TLR5: variants seen among roughly 807,000 people sequenced by gnomAD.
TLR5 encodes the protein toll like receptor 5, also known as toll-like receptor 5.
For missense variants in TLR5, 944 were observed against 999.8 expected (o/e 0.94, Z 0.75); for synonymous variants, 373 against 384.4 (o/e 0.97, Z 0.35).
intron 5 of TLR5, among the ~76,000 whole-genome samples, chr1:223,115,884 G>A (rs187855835): frequency 6.6e-6 from 1 of 152,158 alleles, no homozygotes; most frequent in Non-Finnish European, 1.5e-5. Context: ...CAAGGTCCTA[G>A]GGTGGAAGTA....
At position 223,112,475 on chromosome 1, in the gene TLR5, C is replaced by T. The variant is rs1325984416; in HGVS notation, c.557G>A (p.Cys186Tyr). The T allele has an allele frequency of 5.6e-6, 9 of 1,614,108 alleles. No individual in the cohort carries two copies. In the African/African-American group the frequency reaches 8.0e-5, roughly 14 times the overall value. ...DFSSNQIFLVCEHELEPLQGK... is the reference protein window; with the variant it reads ...DFSSNQIFLVYEHELEPLQGK... ...TTGTAGGGGCTCGAGCTCATGTTCA[C>T]ATACAAGGAATATTTGGTTGGAGGA... The change falls in exon 6 of 6, where the codon TGT (cysteine) becomes TAT (tyrosine). Residue 186 changes from cysteine (C) to tyrosine (Y), a missense_variant. Physicochemically the swap from Cys to Tyr is radical, Grantham distance 194. Transcript: ENST00000642603.
rs772519610 is a variant in TLR5 at position 223,110,855 on chromosome 1, T to C, written c.2177A>G (p.Asn726Ser). The C allele has an allele frequency of 4.3e-6, 7 of 1,614,134 alleles. No homozygotes were observed. The highest frequency in any genetic ancestry group is 5.9e-6 in the Non-Finnish European group (7 of 1,180,056). The change falls in exon 6 of 6, where the codon AAC becomes AGC. Residue 726 changes from asparagine to serine, a missense_variant. Coordinates refer to ENST00000642603, the MANE Select transcript of TLR5 (RefSeq NM_003268.6). ...AAAGTCTCTTTCTTCAAAGCACAGG[T>C]TGAATCTGTTTTGGTCACTGTATTG... ...DTQYSDQNRFNLCFEERDFVP... is the reference protein window; with the variant it reads ...DTQYSDQNRFSLCFEERDFVP...
chr1:223,112,377 A>C lies in TLR5; in HGVS notation c.655T>G (p.Cys219Gly), dbSNP rs773203974. 3.7e-6 allele frequency: 6 copies of C among 1,614,096 alleles called. No homozygotes were observed. In the East Asian group the frequency reaches 1.1e-4, roughly 30 times the overall value. Reference protein sequence around the residue: ...YSRVSVDWGKCMNPFRNMVLE... With the variant: ...YSRVSVDWGKGMNPFRNMVLE... ...ACCATGTTTCTGAATGGGTTCATAC[A>C]TTTTCCCCAGTCCACTGAGACTCTG... Residue 219 changes from cysteine (C) to glycine (G), a missense_variant, in exon 6 of 6, where the codon TGT (cysteine) becomes GGT (glycine). Coordinates refer to ENST00000642603, the MANE Select transcript of TLR5 (RefSeq NM_003268.6).
chr1:223,119,977 A>T (rs866406555), intron 5 of TLR5, among the ~76,000 whole-genome samples: 1 of 74,626 alleles, frequency 1.3e-5, no homozygotes, highest in South Asian at 4.0e-4. Flanking sequence ...ATAAAATAAA[A>T]TAAATAAAAT....
rs114997223 is a variant in TLR5 at position 223,124,469 on chromosome 1, A to C, written c.-5+8006T>G. On this transcript the variant is annotated intron_variant, in intron 5 of 5. Coordinates refer to ENST00000642603, the MANE Select transcript of TLR5 (RefSeq NM_003268.6). ...AAACAAAAAAAAAAAAGAAAAAGAA[A>C]AAAAAAGGATTGGAGCCCCCTTAAG... Among the ~76,000 whole-genome samples, 1,083 of 152,134 alleles carry C rather than the reference A, an allele frequency of 7.1e-3. 12 individuals carry two copies. The highest frequency in any genetic ancestry group is 0.025 in the African/African-American group (1,038 of 41,502).
chr1:223,130,536 A>C (rs1278190023), intron 5 of TLR5, among the ~76,000 whole-genome samples: 1 of 152,280 alleles, frequency 6.6e-6, no homozygotes, highest in South Asian at 2.1e-4. Flanking sequence ...GGCCGGTCTG[A>C]GAAGGACTTG....
chr1:223,114,025 G>A lies in TLR5; in HGVS notation c.-4-990C>T, dbSNP rs528863220. On this transcript the variant is annotated intron_variant, in intron 5 of 5. Coordinates refer to ENST00000642603, the MANE Select transcript of TLR5 (RefSeq NM_003268.6). ...CACACACAGTCCATCCCATCATGCA[G>A]AAATTGGGCACTTTCTGGCACCCCA... Among the ~76,000 whole-genome samples the A allele has an allele frequency of 2.0e-5, 3 of 152,300 alleles. No individual in the cohort carries two copies. In the South Asian group the frequency reaches 6.2e-4, roughly 32 times the overall value.
At chr1:223,142,628 C>A (rs1226591423) in intron 1 of TLR5, among the ~76,000 whole-genome samples, 1 of 152,042 alleles carries the variant, frequency 6.6e-6, no homozygotes, top group African/African-American at 2.4e-5. Flanking sequence ...GCTTTTTTTT[C>A]CCCCTCTCAA....
chr1:223,125,775 C>T (rs970495479), intron 5 of TLR5, among the ~76,000 whole-genome samples: 3 of 152,134 alleles, frequency 2.0e-5, no homozygotes, highest in Non-Finnish European at 4.4e-5. Context: ...CCGGAATCAC[C>T]AGGAGACTTT....
chr1:223,129,856 AGAGAATCAGCACAC>A (rs1406916504), intron 5 of TLR5, among the ~76,000 whole-genome samples: 1 of 152,242 alleles, frequency 6.6e-6, no homozygotes, highest in African/African-American at 2.4e-5. Flanking sequence ...AAGAGGACTC[AGAGAATCAGCACAC>A]GAGGTTTCTG....
At chr1:223,119,401 C>T (rs1358402919) in intron 5 of TLR5, among the ~76,000 whole-genome samples, 3 of 152,084 alleles carry the variant, frequency 2.0e-5, no homozygotes, top group Non-Finnish European at 4.4e-5. Context: ...GAAAGACTAC[C>T]TTGTTTAGTT....
rs748373218 is a variant in TLR5 at position 223,112,363 on chromosome 1, G to A, written c.669C>T (p.Phe223=). Reference sequence around the variant, plus strand: ...CTAGTATCTCCAGCACCATGTTTCTGAATGGGTTCATACATTTTCCCCAGT... The same window carrying A: ...CTAGTATCTCCAGCACCATGTTTCTAAATGGGTTCATACATTTTCCCCAGT... ...SVDWGKCMNP[F]RNMVLEILDV... Residue 223 remains phenylalanine, a synonymous_variant, in exon 6 of 6, where the codon TTC becomes TTT. Coordinates refer to ENST00000642603, the MANE Select transcript of TLR5 (RefSeq NM_003268.6). The A allele has an allele frequency of 9.3e-6, 15 of 1,614,112 alleles. No homozygotes were observed. Among genetic ancestry groups the A allele is most frequent in the African/African-American group, 8.0e-5 (6 of 74,950 alleles).
intron 5 of TLR5, 83 bp downstream of exon 5, chr1:223,132,392 T>TGGA: frequency 1.3e-5 from 2 of 152,218 alleles, no homozygotes; most frequent in Admixed American, 1.3e-4. Context: ...TATATATATG[T>TGGA]ACAAATATGC....
chr1:223,113,024 T>C lies in TLR5; in HGVS notation c.8A>G (p.Asp3Gly), dbSNP rs777957497. 34 of 1,614,028 alleles carry C rather than the reference T, an allele frequency of 2.1e-5. No homozygotes were observed. The Admixed American group carries it at 5.2e-4, about 25-fold the overall frequency. The change falls in exon 6 of 6, where the codon GAC (aspartate) becomes GGC (glycine). Residue 3 changes from aspartate to glycine, a missense_variant. Asp to Gly is a moderately conservative substitution (Grantham distance 94, BLOSUM62 -1). Transcript: ENST00000642603. MG[D>G]HLDLLLGVVL... ...CACTCCTAGGAGAAGGTCCAGGTGG[T>C]CTCCCATGATCCTATGGAGAAGAAG...
Position 223,112,776 on chromosome 1 carries a change from T to C in TLR5, c.256A>G (p.Ile86Val), listed in dbSNP as rs775858795. 5.0e-6 allele frequency: 8 copies of C among 1,613,678 alleles called. No individual in the cohort carries two copies. The highest frequency in any genetic ancestry group is 1.7e-5 in the Admixed American group (1 of 59,966). ...ELGSQYTPLT[I>V]DKEAFRNLPN... ...AGGTTTCTGAAGGCCTCCTTGTCAA[T>C]AGTCAAGGGGGTATACTGGCTCCCG... The change falls in exon 6 of 6, where the codon ATT becomes GTT. Residue 86 changes from isoleucine (I) to valine (V), a missense_variant. Transcript: ENST00000642603.
chr1:223,133,527 A>G (rs1657475150), intron 4 of TLR5, among the ~76,000 whole-genome samples: 1 of 152,120 alleles, frequency 6.6e-6, no homozygotes, highest in South Asian at 2.1e-4. Context: ...GTGAGAACCT[A>G]AGAGTCTGTA....
chr1:223,112,813 C>T lies in TLR5; in HGVS notation c.219G>A (p.Gln73=), dbSNP rs148506161. 3.7e-5 allele frequency: 60 copies of T among 1,612,322 alleles called. No homozygotes were observed. In the African/African-American group the frequency reaches 7.9e-4, roughly 21 times the overall value. ...ASSFPFLEQL[Q]LLELGSQYTP... is the part of the protein sequence containing the mutation. The stretch of plus-strand genomic sequence containing the variant: ...TATACTGGCTCCCGAGCTCCAGCAG[C>T]TGCAGCTGTTCCAGAAAGGGGAAGG... Residue 73 remains glutamine (Q), a synonymous_variant, in exon 6 of 6, where the codon CAG becomes CAA. Coordinates refer to ENST00000642603, the MANE Select transcript of TLR5 (RefSeq NM_003268.6).
At chr1:223,113,791 C>G (rs887947) in intron 5 of TLR5, among the ~76,000 whole-genome samples, 57,818 of 151,958 alleles carry the variant, frequency 0.38, 11,482 homozygotes, top group Non-Finnish European at 0.43. Flanking sequence ...CTCTATGTTT[C>G]TTCATTCATT....
chr1:223,136,194 C>T (rs968596261), intron 3 of TLR5, among the ~76,000 whole-genome samples: 8 of 152,156 alleles, frequency 5.3e-5, no homozygotes, highest in Non-Finnish European at 1.0e-4. Flanking sequence ...CTGTCAGCAC[C>T]AGGAAGACAG....
Sources: gnomAD v4.1 joint callset for allele counts (sites outside exome capture counted in the v4.1 genomes callset) on GRCh38, gnomAD v4.1.1 for gene constraint, MANE v1.5 for transcripts, NCBI Gene and HGNC (gene_info 2026-07-23, HGNC 2026-07-21) for gene names.